PLK4: variants seen among roughly 807,000 people sequenced by gnomAD.
The protein encoded by PLK4 is polo like kinase 4, also known as serine/threonine-protein kinase PLK4.
A neutral mutation model predicts 103.0 loss-of-function variants in PLK4; 51 were observed. The ratio of observed to expected loss-of-function variants is 0.50; its 90% CI spans 0.40 to 0.63. The LOEUF (loss-of-function observed/expected upper bound fraction) is 0.63, where lower values mean the gene tolerates loss of function less well. Ranked by LOEUF, PLK4 falls within the 20% of genes least tolerant of loss-of-function variation. The pLI, the probability that PLK4 is intolerant of heterozygous loss-of-function variation, is 0.00. For synonymous variants in PLK4, 389 were observed against 376.8 expected (o/e 1.03, Z -0.38); for missense variants, 1,054 against 1,151.0 (o/e 0.92, Z 1.22).
chr4:127,891,678 C>T lies in PLK4; in HGVS notation c.2035C>T (p.Pro679Ser). The change falls in exon 9 of 16, where the codon CCA becomes TCA. Residue 679 changes from proline (P) to serine (S), a missense_variant. Physicochemically the swap from Pro to Ser is moderately conservative, Grantham distance 74. Coordinates refer to ENST00000270861, the MANE Select transcript of PLK4 (RefSeq NM_014264.5). The part of the protein sequence containing the change: ...NISRYSFDNL[P>S]EKYWRKYQYA... Reference sequence around the variant, plus strand: ...CAGTAGGTACAGCTTTGACAATTTACCAGGTATGTGAATTTACCAGGGAAT... The same window carrying T: ...CAGTAGGTACAGCTTTGACAATTTATCAGGTATGTGAATTTACCAGGGAAT... 1 of 1,366,660 alleles carries T rather than the reference C, an allele frequency of 7.3e-7. No homozygotes were observed. Among genetic ancestry groups the T allele is most frequent in the Non-Finnish European group, 9.9e-7 (1 of 1,008,272 alleles). The allele number at this position is 1,366,660 out of a possible 1,614,324, so 84.7% of individuals were successfully genotyped here.
chr4:127,886,374 C>A lies in PLK4; in HGVS notation c.1004C>A (p.Ser335Tyr), dbSNP rs1169856966. 2 of 1,613,644 alleles carry A rather than the reference C, an allele frequency of 1.2e-6. No individual in the cohort carries two copies. Among genetic ancestry groups the A allele is most frequent in the East Asian group, 2.2e-5 (1 of 44,874 alleles). Reference sequence around the variant, plus strand: ...AAGAATAAAAGTTCAACTGATTTTTCTTCTTCAGGAGATGGAAACAGTTTT... The same window carrying A: ...AAGAATAAAAGTTCAACTGATTTTTATTCTTCAGGAGATGGAAACAGTTTT... ...FPKNKSSTDFSSSGDGNSFYT... is the reference protein window; with the variant it reads ...FPKNKSSTDFYSSGDGNSFYT... Residue 335 changes from serine (S) to tyrosine (Y), a missense_variant, in exon 5 of 16, where the codon TCT (serine) becomes TAT (tyrosine). By Grantham distance (144) the Ser-to-Tyr change is moderately radical. Coordinates refer to ENST00000270861, the MANE Select transcript of PLK4 (RefSeq NM_014264.5).
chr4:127,882,019 CTTTGATTATAG>C (rs1734951689), intron 2 of PLK4, 93 bp downstream of exon 2: 1 of 721,204 alleles, frequency 1.4e-6, no homozygotes, highest in Admixed American at 2.2e-5. Flanking sequence ...CTAGCCTTTC[CTTTGATTATAG>C]TGTAAGGAAC....
chr4:127,887,700 A>T (rs967869635), intron 6 of PLK4, among the ~76,000 whole-genome samples: 3 of 151,700 alleles, frequency 2.0e-5, no homozygotes, highest in African/African-American at 7.3e-5. Flanking sequence ...ACATAGCAAG[A>T]CCCTGTATCT....
chr4:127,888,303 A>C (rs1213976171), intron 6 of PLK4, among the ~76,000 whole-genome samples: 1 of 150,630 alleles, frequency 6.6e-6, no homozygotes, highest in East Asian at 2.0e-4. Context: ...ACATATATTA[A>C]GTTCTCACAA....
chr4:127,887,961 CTT>C (rs2148819214), intron 6 of PLK4, among the ~76,000 whole-genome samples: 1 of 148,968 alleles, frequency 6.7e-6, no homozygotes, highest in East Asian at 2.0e-4. Context: ...AGGCAGGTAA[CTT>C]GAGGTCAGGC....
intron 2 of PLK4, among the ~76,000 whole-genome samples, chr4:127,882,371 A>G (rs2148815450): frequency 6.6e-6 from 1 of 152,290 alleles, no homozygotes; most frequent in African/African-American, 2.4e-5. Flanking sequence ...TGTAATCTCA[A>G]CGCTTTGGGA....
At chr4:127,893,146 C>T in intron 10 of PLK4, 139 bp from the exon 11 acceptor site, 1 of 499,702 alleles carries the variant, frequency 2.0e-6, no homozygotes, top group South Asian at 4.1e-5. Flanking sequence ...TTGATAGTCT[C>T]ATTTTATTAA....
In PLK4 at chr4:127,881,097, G is replaced by C. The variant is rs1317430117; in HGVS notation, c.-38G>C. 6.2e-7 allele frequency: 1 copy of C among 1,613,248 alleles called. No homozygotes were observed. The highest frequency in any genetic ancestry group is 1.7e-5 in the Admixed American group (1 of 60,024). Reference sequence around the variant, plus strand: ...GCTGCCTCGAAGGGACTGCGTGAAGGAAGCTAATCCGGAGAACCCAGGCCA... The same window carrying C: ...GCTGCCTCGAAGGGACTGCGTGAAGCAAGCTAATCCGGAGAACCCAGGCCA... On this transcript the variant is annotated 5_prime_UTR_variant, in exon 1 of 16. Transcript: ENST00000270861.
At position 127,896,897 on chromosome 4, in the gene PLK4, C is replaced by G; in HGVS notation, c.2800C>G (p.Gln934Glu). 1 of 1,577,172 alleles carries G rather than the reference C, an allele frequency of 6.3e-7. No individual in the cohort carries two copies. Among genetic ancestry groups the G allele is most frequent in the Non-Finnish European group, 8.7e-7 (1 of 1,147,368 alleles). Residue 934 changes from glutamine to glutamate, a missense_variant, in exon 15 of 16, where the codon CAA (glutamine) becomes GAA (glutamate). Physicochemically the swap from Gln to Glu is conservative, Grantham distance 29. Coordinates refer to ENST00000270861, the MANE Select transcript of PLK4 (RefSeq NM_014264.5). ...TATCAGTTATACCTCACCAAATGGT[C>G]AAACAACTAGGTAAGTTCTTAAAAT... is the stretch of plus-strand genomic sequence containing the variant. The part of the protein sequence containing the change: ...SSISYTSPNG[Q>E]TTRYGENEKL...
At position 127,881,825 on chromosome 4, in the gene PLK4, T is replaced by C. The variant is rs765612733; in HGVS notation, c.31-6T>C. 6.5e-7 allele frequency: 1 copy of C among 1,540,678 alleles called. No individual in the cohort carries two copies. Among genetic ancestry groups the C allele is most frequent in the Admixed American group, 1.7e-5 (1 of 59,928 alleles). ...TCACACATAATCTTTAATTTTAACTTTTAAGGATTTTAAAGTTGGAAATCT... is the reference window on the plus strand; with the variant it reads ...TCACACATAATCTTTAATTTTAACTCTTAAGGATTTTAAAGTTGGAAATCT... On this transcript the variant is annotated splice_polypyrimidine_tract_variant and splice_region_variant and intron_variant, in intron 1 of 15. Coordinates refer to ENST00000270861, the MANE Select transcript of PLK4 (RefSeq NM_014264.5).
chr4:127,881,978 G>A (rs1734950372), intron 2 of PLK4, 52 bp downstream of exon 2: 2 of 981,750 alleles, frequency 2.0e-6, no homozygotes. Context: ...TAACTAGAGA[G>A]GTATCAGAGA....
chr4:127,886,850 C>A, intron 5 of PLK4, 122 bp downstream of exon 5: 1 of 609,050 alleles, frequency 1.6e-6, no homozygotes, highest in Non-Finnish European at 2.8e-6. Flanking sequence ...AAACCACTGT[C>A]ATGATTTTGA....
Position 127,886,008 on chromosome 4 carries a change from C to T in PLK4, c.638C>T (p.Thr213Ile), listed in dbSNP as rs762906164. Reference protein sequence around the residue: ...TLLIGRPPFDTDTVKNTLNKV... With the variant: ...TLLIGRPPFDIDTVKNTLNKV... ...CTTATCGGGAGACCACCCTTCGACA[C>T]TGACACAGTCAAGAACACATTAAAT... is the stretch of plus-strand genomic sequence containing the variant. Residue 213 changes from threonine to isoleucine, a missense_variant, in exon 5 of 16, where the codon ACT (threonine) becomes ATT (isoleucine). Thr to Ile is a moderately conservative substitution (Grantham distance 89, BLOSUM62 -1). Coordinates refer to ENST00000270861, the MANE Select transcript of PLK4 (RefSeq NM_014264.5). 1 of 1,614,092 alleles carries T rather than the reference C, an allele frequency of 6.2e-7. No individual in the cohort carries two copies. The highest frequency in any genetic ancestry group is 8.5e-7 in the Non-Finnish European group (1 of 1,179,908).
intron 10 of PLK4, among the ~76,000 whole-genome samples, chr4:127,892,980 C>T (rs1274381959): frequency 2.6e-5 from 4 of 151,782 alleles, no homozygotes; most frequent in African/African-American, 4.8e-5. Flanking sequence ...CTTTAAGGGA[C>T]GCAAAGCATT....
chr4:127,883,833 TAGTA>T (rs1215872683), intron 4 of PLK4, among the ~76,000 whole-genome samples: 22 of 152,194 alleles, frequency 1.4e-4, no homozygotes, highest in African/African-American at 4.1e-4. Flanking sequence ...TTTTCAAATG[TAGTA>T]ACCTTTTTAG....
rs1349225347 is a variant in PLK4 at position 127,893,568 on chromosome 4, C to T, written c.2378C>T (p.Thr793Ile). 5 of 1,612,702 alleles carry T rather than the reference C, an allele frequency of 3.1e-6. No homozygotes were observed. Among genetic ancestry groups the T allele is most frequent in the Non-Finnish European group, 2.5e-6 (3 of 1,179,126 alleles). ...ESIISEEERK[T>I]RSAPFFPIII... is the part of the protein sequence containing the mutation. Reference sequence around the variant, plus strand: ...ATAATTTCAGAAGAGGAAAGGAAAACTAGGAGTGCTCCCTTTTTCCCAATA... The same window carrying T: ...ATAATTTCAGAAGAGGAAAGGAAAATTAGGAGTGCTCCCTTTTTCCCAATA... The change falls in exon 12 of 16, where the codon ACT (threonine) becomes ATT (isoleucine). Residue 793 changes from threonine to isoleucine, a missense_variant. Thr to Ile is a moderately conservative substitution (Grantham distance 89). Coordinates refer to ENST00000270861, the MANE Select transcript of PLK4 (RefSeq NM_014264.5).
At chr4:127,890,363 A>AAT in intron 7 of PLK4, 127 bp downstream of exon 7, 2 of 566,408 alleles carry the variant, frequency 3.5e-6, no homozygotes, top group Non-Finnish European at 5.7e-6. Context: ...AACTTTATTA[A>AAT]AGAGAAAAGA....
intron 7 of PLK4, 99 bp downstream of exon 7, chr4:127,890,335 T>G: frequency 1.1e-6 from 1 of 921,174 alleles, no homozygotes; most frequent in Non-Finnish European, 1.6e-6. Flanking sequence ...CCTTTTACTT[T>G]GGGGTGTATA....
rs533691185 is a variant in PLK4 at position 127,889,793 on chromosome 4, A to C, written c.1460-73A>C. The C allele has an allele frequency of 3.2e-5, 34 of 1,079,086 alleles. 1 individual carries two copies. The African/African-American group carries it at 5.1e-4, about 16-fold the overall frequency. 66.8% of individuals were successfully genotyped at this position (1,079,086 alleles called of 1,614,324 possible). On this transcript the variant is annotated intron_variant, in intron 6 of 15. Transcript: ENST00000270861. ...TTGTTCAAAAAATGCTATTACAATC[A>C]GAGTGACGTTATTTTGTGTCGACTT...
Sources: allele counts gnomAD v4.1 joint callset (sites outside exome capture counted in the v4.1 genomes callset), GRCh38; gene constraint gnomAD v4.1.1; transcripts MANE v1.5; gene names NCBI Gene and HGNC (gene_info 2026-07-23, HGNC 2026-07-21).